The following PLXNA4 variants were observed in gnomAD, a reference collection of about 807,000 sequenced individuals.
PLXNA4 encodes plexin-A4.
A neutral mutation model predicts 191.8 loss-of-function variants in PLXNA4; 44 were observed. The observed-to-expected ratio is 0.23, with a 90% CI of 0.18 to 0.29. PLXNA4 has a LOEUF of 0.29. Ranked by LOEUF, PLXNA4 falls within the 10% of genes least tolerant of loss-of-function variation. PLXNA4 has a pLI of 1.00. For missense variants in PLXNA4, 1,800 were observed against 2,488.8 expected, an observed-to-expected ratio of 0.72 and a Z score of 5.89; for synonymous variants, 1,082 against 1,009.5, an observed-to-expected ratio of 1.07 and a Z score of -1.36.
At chr7:132,192,251 G>A (rs966448718) in intron 14 of PLXNA4, among the ~76,000 whole-genome samples, 1 of 152,146 alleles carries the variant, frequency 6.6e-6, no homozygotes, top group African/African-American at 2.4e-5. Flanking sequence ...TGAGGGAGGT[G>A]CTGTGTTGGG....
intron 14 of PLXNA4, among the ~76,000 whole-genome samples, chr7:132,188,941 C>A (rs1165402732): frequency 8.8e-5 from 6 of 68,138 alleles, no homozygotes; most frequent in African/African-American, 2.7e-4. Flanking sequence ...TCCCCACCAA[C>A]CTTCCCAGAG....
intron 3 of PLXNA4, among the ~76,000 whole-genome samples, chr7:132,475,502 A>G (rs1797089438): frequency 6.6e-6 from 1 of 152,128 alleles, no homozygotes; most frequent in African/African-American, 2.4e-5. Context: ...CTGTCACTGC[A>G]TCCCCCAATC....
intron 3 of PLXNA4, among the ~76,000 whole-genome samples, chr7:132,413,135 C>A (rs1434486360): frequency 6.6e-6 from 1 of 152,198 alleles, no homozygotes; most frequent in Non-Finnish European, 1.5e-5. Context: ...TACTATTCTT[C>A]CCTGAGTGTT....
chr7:132,168,284 G>A lies in PLXNA4; in HGVS notation c.4286+20C>T. ...GTGCATGGCTAGGCTGGAGCAGGGT[G>A]CCCCAGACTGCACCCTCACCTCCTG... On this transcript the variant is annotated intron_variant, in intron 22 of 31. Coordinates refer to ENST00000321063, the MANE Select transcript of PLXNA4 (RefSeq NM_020911.2). The A allele has an allele frequency of 1.3e-6, 2 of 1,517,654 alleles. No homozygotes were observed. The highest frequency in any genetic ancestry group is 2.7e-5 in the South Asian group (2 of 75,234). 94.0% of individuals were successfully genotyped at this position (1,517,654 alleles called of 1,614,324 possible).
At chr7:132,366,987 C>G (rs1205162096) in intron 3 of PLXNA4, among the ~76,000 whole-genome samples, 1 of 152,158 alleles carries the variant, frequency 6.6e-6, no homozygotes, top group Non-Finnish European at 1.5e-5. Flanking sequence ...CCAGGCTAGT[C>G]TCAAACTCCT....
intron 25 of PLXNA4, among the ~76,000 whole-genome samples, chr7:132,152,642 G>C (rs1795679100): frequency 6.6e-6 from 1 of 152,236 alleles, no homozygotes; most frequent in African/African-American, 2.4e-5. Context: ...ACAGCCAAGA[G>C]GCAATGTCGT....
intron 9 of PLXNA4, among the ~76,000 whole-genome samples, chr7:132,213,980 A>G (rs1401498567): frequency 6.6e-6 from 1 of 152,198 alleles, no homozygotes; most frequent in African/African-American, 2.4e-5. Flanking sequence ...TCTATTTTGC[A>G]AAGGAGAAAC....
rs144733051 is a variant in PLXNA4 at position 132,330,460 on chromosome 7, C to T, written c.1372-32238G>A. Among the ~76,000 whole-genome samples the T allele has an allele frequency of 1.8e-4, 27 of 152,292 alleles. No homozygotes were observed. In the East Asian group the frequency reaches 1.9e-3, roughly 11 times the overall value. ...AGAAGGGACAGAAACAGAGAAAGGG[C>T]GGAAAAGGTCCTCAAGCCTTAAAAA... On this transcript the variant is annotated intron_variant, in intron 3 of 31. Coordinates refer to ENST00000321063, the MANE Select transcript of PLXNA4 (RefSeq NM_020911.2).
chr7:132,493,561 A>G (rs375672718), intron 2 of PLXNA4, among the ~76,000 whole-genome samples: 1 of 152,116 alleles, frequency 6.6e-6, no homozygotes, highest in Non-Finnish European at 1.5e-5. Context: ...ATGGGGTACA[A>G]ATTAAGATGG....
intron 22 of PLXNA4, among the ~76,000 whole-genome samples, chr7:132,167,896 C>A (rs765139665): frequency 7.2e-5 from 11 of 152,154 alleles, no homozygotes; most frequent in African/African-American, 1.2e-4. Flanking sequence ...CGATGCTGTC[C>A]TCTGCCACCT....
intron 3 of PLXNA4, chr7:132,383,461 T>C (rs1804982519): frequency 3.3e-6 from 2 of 612,550 alleles, no homozygotes; most frequent in African/African-American, 2.0e-5. Flanking sequence ...CCACACCTCA[T>C]CCCATTTTCC....
At chr7:132,459,638 T>A (rs1796429291) in intron 3 of PLXNA4, among the ~76,000 whole-genome samples, 1 of 152,104 alleles carries the variant, frequency 6.6e-6, no homozygotes, top group Non-Finnish European at 1.5e-5. Context: ...TGGGCAGCAT[T>A]TTAGCAAATC....
At position 132,511,122 on chromosome 7, in the gene PLXNA4, G is replaced by T. The variant is rs182394112; in HGVS notation, c.-86-2343C>A. Among the ~76,000 whole-genome samples, 140 of 152,248 alleles carry T rather than the reference G, an allele frequency of 9.2e-4. 3 individuals carry two copies. The highest frequency in any genetic ancestry group is 9.2e-3 in the Admixed American group (140 of 15,294). On this transcript the variant is annotated intron_variant, in intron 1 of 31. Transcript: ENST00000321063. ...ACACATTCACAGCTGCACATATAGA[G>T]GAGGCTCAACAACTGTTTCTTGACT... is the stretch of plus-strand genomic sequence containing the variant.
At position 132,146,639 on chromosome 7, in the gene PLXNA4, A is replaced by G. The variant is rs575421724; in HGVS notation, c.4926T>C (p.Thr1642=). The change falls in exon 28 of 32, where the codon ACT becomes ACC. Residue 1642 remains threonine, a synonymous_variant. Transcript: ENST00000321063. ...TCTTGACTCCACTCTCCAGGTCAGG[A>G]GTGATCATAGGTGTCCGTGAGCGGA... The part of the protein sequence containing the change: ...DSLRSRTPMI[T]PDLESGVKMW... The G allele has an allele frequency of 3.8e-5, 61 of 1,614,158 alleles. 1 individual carries two copies. In the South Asian group the frequency reaches 6.3e-4, roughly 17 times the overall value.
At chr7:132,216,206 G>A (rs1027591280) in intron 9 of PLXNA4, among the ~76,000 whole-genome samples, 10 of 152,246 alleles carry the variant, frequency 6.6e-5, no homozygotes, top group Non-Finnish European at 7.4e-5. Context: ...AAAGCCCCAC[G>A]CATTTGCTAT....
At chr7:132,562,356 C>T (rs1801220581) in intron 1 of PLXNA4, among the ~76,000 whole-genome samples, 1 of 110,466 alleles carries the variant, frequency 9.1e-6, no homozygotes, top group Non-Finnish European at 2.1e-5. Context: ...TCTCCTTCCT[C>T]CTCCTCCTCT....
intron 1 of PLXNA4, among the ~76,000 whole-genome samples, chr7:132,575,921 G>T (rs1002895677): frequency 6.6e-6 from 1 of 152,104 alleles, no homozygotes; most frequent in African/African-American, 2.4e-5. Flanking sequence ...CCAAATATGC[G>T]TCCGAATATC....
chr7:132,199,549 A>G (rs1343243542), intron 12 of PLXNA4, among the ~76,000 whole-genome samples: 1 of 152,220 alleles, frequency 6.6e-6, no homozygotes, highest in East Asian at 1.9e-4. Context: ...TTCATGGACC[A>G]GAGAAGGGCA....
At chr7:132,162,920 T>C (rs982423143) in intron 24 of PLXNA4, among the ~76,000 whole-genome samples, 2 of 152,158 alleles carry the variant, frequency 1.3e-5, no homozygotes, top group African/African-American at 4.8e-5. Flanking sequence ...GCTCTGGAAT[T>C]TGCCCTCAGC....
Sources: gnomAD v4.1 joint callset for allele counts (sites outside exome capture counted in the v4.1 genomes callset) on GRCh38, gnomAD v4.1.1 for gene constraint, MANE v1.5 for transcripts, NCBI Gene and HGNC (gene_info 2026-07-23, HGNC 2026-07-21) for gene names.